GHR: variants seen among roughly 807,000 people sequenced by gnomAD.
GHR encodes GH receptor.
A neutral mutation model predicts 67.1 loss-of-function variants in GHR; 35 were observed. That is an observed-to-expected ratio of 0.52 (90% CI 0.40 to 0.69). The LOEUF is 0.69. Among genes scored for constraint, GHR ranks in the 30% least tolerant of loss-of-function variants. The pLI is 0.00. For synonymous variants in GHR, 272 were observed against 269.1 expected (o/e 1.01, Z -0.10); for missense variants, 792 against 764.6 (o/e 1.04, Z -0.42).
In GHR at chr5:42,532,165, C is replaced by G. The variant is rs1334447206; in HGVS notation, c.-11-33699C>G. ...CCTAGAAACTGGAACTGAGAAAGCTCTTCCTGATCATATAACAATAAGTCT... is the reference window on the plus strand; with the variant it reads ...CCTAGAAACTGGAACTGAGAAAGCTGTTCCTGATCATATAACAATAAGTCT... On this transcript the variant is annotated intron_variant, in intron 1 of 9. Coordinates refer to ENST00000230882, the MANE Select transcript of GHR (RefSeq NM_000163.5). Among the ~76,000 whole-genome samples, 3 of 152,046 alleles carry G rather than the reference C, an allele frequency of 2.0e-5. No individual in the cohort carries two copies. The South Asian group carries it at 6.2e-4, about 32-fold the overall frequency.
intron 1 of GHR, among the ~76,000 whole-genome samples, chr5:42,443,872 A>G (rs1442160497): frequency 2.2e-4 from 33 of 152,040 alleles, no homozygotes; most frequent in Admixed American, 2.2e-3. Context: ...ATCATCTAAG[A>G]ACACTCTCAT....
chr5:42,442,972 C>A (rs533398207), intron 1 of GHR, among the ~76,000 whole-genome samples: 19 of 152,260 alleles, frequency 1.2e-4, no homozygotes, highest in African/African-American at 4.6e-4. Flanking sequence ...CACCAATTAC[C>A]TAGGGACCAG....
At chr5:42,662,734 A>G (rs957459311) in intron 3 of GHR, among the ~76,000 whole-genome samples, 2 of 152,204 alleles carry the variant, frequency 1.3e-5, no homozygotes, top group Non-Finnish European at 2.9e-5. Context: ...AAGCTAGGAG[A>G]AGGCAAGAAA....
At chr5:42,463,715 CG>C (rs1744586466) in intron 1 of GHR, among the ~76,000 whole-genome samples, 1 of 152,010 alleles carries the variant, frequency 6.6e-6, no homozygotes, top group African/African-American at 2.4e-5. Context: ...TTTAGTGGGC[CG>C]GGCGCGGTGG....
At chr5:42,716,910 T>A (rs917607219) in intron 8 of GHR, among the ~76,000 whole-genome samples, 4 of 152,238 alleles carry the variant, frequency 2.6e-5, no homozygotes, top group Non-Finnish European at 5.9e-5. Flanking sequence ...CACCTCTTCA[T>A]GACAGTGTCA....
At chr5:42,562,569 T>C (rs567615940) in intron 1 of GHR, among the ~76,000 whole-genome samples, 1 of 152,138 alleles carries the variant, frequency 6.6e-6, no homozygotes, top group African/African-American at 2.4e-5. Flanking sequence ...TGTTGAGGAT[T>C]CTTGTTTGTT....
intron 1 of GHR, chr5:42,425,043 C>T (rs146501244): frequency 2.0e-6 from 2 of 983,214 alleles, no homozygotes; most frequent in African/African-American, 3.5e-5. Context: ...AGAAAGGTAA[C>T]GGAAGGCCAA....
intron 3 of GHR, among the ~76,000 whole-genome samples, chr5:42,645,871 G>A (rs35613971): frequency 3.3e-5 from 5 of 152,306 alleles, no homozygotes; most frequent in Non-Finnish European, 5.9e-5. Flanking sequence ...TCAGCTCTTG[G>A]TTGTCTCAGA....
At chr5:42,553,718 G>A (rs898645192) in intron 1 of GHR, among the ~76,000 whole-genome samples, 4 of 152,094 alleles carry the variant, frequency 2.6e-5, no homozygotes, top group Admixed American at 6.6e-5. Flanking sequence ...GTAATCTTGC[G>A]GGGGATCTTT....
At chr5:42,573,402 A>C (rs1316011062) in intron 2 of GHR, among the ~76,000 whole-genome samples, 1 of 151,944 alleles carries the variant, frequency 6.6e-6, no homozygotes, top group African/African-American at 2.4e-5. Context: ...TCTGCCCTAA[A>C]CACTAATGTG....
At chr5:42,608,330 T>A (rs1752727639) in intron 2 of GHR, among the ~76,000 whole-genome samples, 1 of 152,122 alleles carries the variant, frequency 6.6e-6, no homozygotes, top group Non-Finnish European at 1.5e-5. Context: ...GGATTTATAT[T>A]TTTTTTGTAG....
At chr5:42,544,431 A>G (rs1332739086) in intron 1 of GHR, among the ~76,000 whole-genome samples, 4 of 152,186 alleles carry the variant, frequency 2.6e-5, no homozygotes, top group Admixed American at 2.6e-4. Flanking sequence ...GTTTGAATCT[A>G]AATTAGGACA....
intron 1 of GHR, among the ~76,000 whole-genome samples, chr5:42,533,385 G>C (rs1323303909): frequency 6.6e-6 from 1 of 151,620 alleles, no homozygotes; most frequent in East Asian, 1.9e-4. Context: ...TTATATATAG[G>C]TTGAAAAGTT....
chr5:42,543,490 G>C (rs1350733435), intron 1 of GHR, among the ~76,000 whole-genome samples: 3 of 152,102 alleles, frequency 2.0e-5, no homozygotes, highest in African/African-American at 7.2e-5. Flanking sequence ...TTTAGTGACA[G>C]GCTAGTTGGG....
At chr5:42,459,002 T>C (rs904564611) in intron 1 of GHR, among the ~76,000 whole-genome samples, 1 of 152,114 alleles carries the variant, frequency 6.6e-6, no homozygotes, top group Non-Finnish European at 1.5e-5. Flanking sequence ...TGTGAGGTTG[T>C]AGAGAAAAGG....
At chr5:42,526,019 CAT>C (rs770959493) in intron 1 of GHR, among the ~76,000 whole-genome samples, 9 of 152,134 alleles carry the variant, frequency 5.9e-5, no homozygotes, top group African/African-American at 4.8e-5. Flanking sequence ...GGAAAAGTCA[CAT>C]GTCTCTCACT....
chr5:42,604,175 C>A (rs1329450218), intron 2 of GHR, among the ~76,000 whole-genome samples: 4 of 152,216 alleles, frequency 2.6e-5, no homozygotes, highest in Non-Finnish European at 5.9e-5. Context: ...TAGATGAGTT[C>A]TTGTTCACCT....
At chr5:42,463,854 G>A (rs564651265) in intron 1 of GHR, among the ~76,000 whole-genome samples, 7 of 149,874 alleles carry the variant, frequency 4.7e-5, no homozygotes, top group African/African-American at 9.8e-5. Flanking sequence ...TTAGCCGGGC[G>A]TAGTGGTGGG....
intron 1 of GHR, among the ~76,000 whole-genome samples, chr5:42,473,663 G>C (rs1382026206): frequency 1.3e-5 from 2 of 152,080 alleles, no homozygotes; most frequent in Non-Finnish European, 2.9e-5. Context: ...TGGATCATGA[G>C]GTCAAGAGAT....
Sources: gnomAD v4.1 joint callset for allele counts (sites outside exome capture counted in the v4.1 genomes callset) on GRCh38, gnomAD v4.1.1 for gene constraint, MANE v1.5 for transcripts, NCBI Gene and HGNC (gene_info 2026-07-23, HGNC 2026-07-21) for gene names.